Variants in NEBL observed in about 807,000 individuals in gnomAD.
NEBL encodes the protein LIM and SH3 protein 2.
Under a neutral mutation model 140.2 loss-of-function variants are expected in NEBL, and 122 were observed. That is an observed-to-expected ratio of 0.87 (90% CI 0.75 to 1.01). The LOEUF is 1.01. Among genes scored for constraint, NEBL ranks in the 50% least tolerant of loss-of-function variants. The pLI, the probability that NEBL is intolerant of heterozygous loss-of-function variation, is 0.00. For missense variants in NEBL, 1,365 were observed against 1,231.3 expected (o/e 1.11, Z -1.62); for synonymous variants, 436 against 398.9 (o/e 1.09, Z -1.11).
At chr10:21,022,964 C>T (rs911140714) in intron 2 of NEBL, among the ~76,000 whole-genome samples, 3 of 152,202 alleles carry the variant, frequency 2.0e-5, no homozygotes, top group Non-Finnish European at 4.4e-5. Flanking sequence ...GTTGGCCACA[C>T]TCTTCCAGGG....
At chr10:20,823,757 T>C (rs1379824580) in intron 18 of NEBL, among the ~76,000 whole-genome samples, 2 of 150,658 alleles carry the variant, frequency 1.3e-5, no homozygotes, top group African/African-American at 4.9e-5. Flanking sequence ...ACATAAATAA[T>C]AAGGAAATAA....
At chr10:20,993,413 A>C (rs571906758) in intron 3 of NEBL, among the ~76,000 whole-genome samples, 2 of 152,332 alleles carry the variant, frequency 1.3e-5, no homozygotes, top group South Asian at 4.1e-4. Flanking sequence ...ATATGTACAC[A>C]TATTAGCTAT....
chr10:20,945,941 C>T (rs922329734), intron 4 of NEBL, among the ~76,000 whole-genome samples: 28 of 152,226 alleles, frequency 1.8e-4, no homozygotes, highest in Admixed American at 1.0e-3. Flanking sequence ...TGCCAGTTTG[C>T]TCATCAGTGA....
At chr10:20,936,750 G>A (rs372810152) in intron 4 of NEBL, among the ~76,000 whole-genome samples, 1 of 152,102 alleles carries the variant, frequency 6.6e-6, no homozygotes, top group Admixed American at 6.5e-5. Context: ...TTTAATTTCT[G>A]CCTGTTCTAA....
At chr10:21,135,405 T>C (rs896169788) in intron 2 of NEBL, among the ~76,000 whole-genome samples, 12 of 151,918 alleles carry the variant, frequency 7.9e-5, no homozygotes, top group Non-Finnish European at 1.5e-4. Flanking sequence ...CTCAGTGAAC[T>C]TACATGCTAG....
chr10:20,951,360 A>T (rs1835451963), intron 4 of NEBL, among the ~76,000 whole-genome samples: 1 of 151,658 alleles, frequency 6.6e-6, no homozygotes, highest in Non-Finnish European at 1.5e-5. Flanking sequence ...CCATGAATGG[A>T]AAGAAAGCTA....
At chr10:21,166,238 A>G (rs1179091267) in intron 2 of NEBL, among the ~76,000 whole-genome samples, 1 of 121,982 alleles carries the variant, frequency 8.2e-6, no homozygotes, top group Non-Finnish European at 1.6e-5. Context: ...AAAAAAAAAA[A>G]AAAAAAAGAA....
intron 4 of NEBL, among the ~76,000 whole-genome samples, chr10:20,954,648 G>C (rs1433353371): frequency 1.3e-5 from 2 of 152,180 alleles, no homozygotes; most frequent in Admixed American, 1.3e-4. Flanking sequence ...CCCTGCTAGA[G>C]AGCTTCCTGC....
At chr10:21,270,367 T>C (rs1202519421) in intron 1 of NEBL, among the ~76,000 whole-genome samples, 1 of 118,258 alleles carries the variant, frequency 8.5e-6, no homozygotes, top group Non-Finnish European at 1.7e-5. Flanking sequence ...CTATTTTCCA[T>C]ATTTTTTTTT....
At chr10:20,908,168 A>G (rs1848181173) in intron 4 of NEBL, among the ~76,000 whole-genome samples, 1 of 152,188 alleles carries the variant, frequency 6.6e-6, no homozygotes, top group Non-Finnish European at 1.5e-5. Context: ...TTCACAGATG[A>G]GGTCACTAGG....
At chr10:21,211,865 A>G (rs537006845) in intron 3 of NEBL, among the ~76,000 whole-genome samples, 5 of 152,256 alleles carry the variant, frequency 3.3e-5, no homozygotes, top group African/African-American at 1.2e-4. Flanking sequence ...GTAATTGGAG[A>G]AGCACAGAAT....
At chr10:20,861,342 T>G (rs1843682285) in intron 7 of NEBL, among the ~76,000 whole-genome samples, 1 of 152,020 alleles carries the variant, frequency 6.6e-6, no homozygotes, top group South Asian at 2.1e-4. Context: ...CACGCTCAGC[T>G]AATTTTTTGT....
chr10:21,160,325 A>G (rs1840505684), intron 2 of NEBL, among the ~76,000 whole-genome samples: 1 of 152,202 alleles, frequency 6.6e-6, no homozygotes, highest in East Asian at 1.9e-4. Flanking sequence ...GGTATATATG[A>G]CACAAGAGGC....
chr10:21,099,793 C>G (rs1837387412), intron 2 of NEBL, among the ~76,000 whole-genome samples: 1 of 152,120 alleles, frequency 6.6e-6, no homozygotes, highest in African/African-American at 2.4e-5. Flanking sequence ...AGATCAGTTG[C>G]AAGTGTTCAC....
intron 3 of NEBL, among the ~76,000 whole-genome samples, chr10:21,242,214 AAAAAG>A (rs71287305): frequency 7.3e-5 from 11 of 151,388 alleles, no homozygotes; most frequent in South Asian, 2.1e-4. Flanking sequence ...CAAAAGGAAA[AAAAAG>A]AAAAGAAAAG....
rs543814280 is a variant in NEBL, at chr10:21,193,730, C to G, written n.349-21253G>C. On this transcript the variant is annotated intron_variant and non_coding_transcript_variant, in intron 3 of 8. Coordinates refer to the NEBL transcript ENST00000675702. ...AGCACAGTACCATATATTTTCCTTG[C>G]ATTGTGCCCTTGATTCTTTATACAG... Among the ~76,000 whole-genome samples, 8 of 152,316 alleles carry G rather than the reference C, an allele frequency of 5.3e-5. No homozygotes were observed. The South Asian group carries it at 1.7e-3, about 32-fold the overall frequency.
intron 4 of NEBL, among the ~76,000 whole-genome samples, chr10:20,910,978 G>C (rs1055605580): frequency 6.6e-6 from 1 of 151,740 alleles, no homozygotes; most frequent in African/African-American, 2.4e-5. Context: ...GAACAGCCTG[G>C]GCAACACAGC....
chr10:21,251,918 T>A (rs2132273162), intron 1 of NEBL, among the ~76,000 whole-genome samples: 1 of 152,280 alleles, frequency 6.6e-6, no homozygotes, highest in South Asian at 2.1e-4. Flanking sequence ...GACCTCAAAA[T>A]GGAGAACAAG....
intron 17 of NEBL, among the ~76,000 whole-genome samples, chr10:20,828,301 T>C (rs545769936): frequency 7.9e-5 from 12 of 152,220 alleles, no homozygotes; most frequent in Middle Eastern, 3.4e-3. Flanking sequence ...TTAATAACTG[T>C]CATTTATACC....
Sources: allele counts gnomAD v4.1 joint callset (sites outside exome capture counted in the v4.1 genomes callset), GRCh38; gene constraint gnomAD v4.1.1; transcripts MANE v1.5; gene names NCBI Gene and HGNC (gene_info 2026-07-23, HGNC 2026-07-21).